The following LRMDA variants were observed in gnomAD, a reference collection of about 807,000 sequenced individuals.
LRMDA encodes leucine rich melanocyte differentiation associated, also known as leucine-rich melanocyte differentiation-associated protein.
Under a neutral mutation model 29.8 loss-of-function variants are expected in LRMDA, and 18 were observed. That is an observed-to-expected ratio of 0.60 (90% CI 0.42 to 0.90). The LOEUF (loss-of-function observed/expected upper bound fraction) is 0.90, where lower values mean the gene tolerates loss of function less well. Ranked by LOEUF, LRMDA falls within the 40% of genes least tolerant of loss-of-function variation. LRMDA has a pLI of 0.00. For missense variants in LRMDA, 273 were observed against 273.9 expected (o/e 1.00, Z 0.02); for synonymous variants, 125 against 109.4 (o/e 1.14, Z -0.89).
chr10:76,049,833 A>G (rs147206695), intron 4 of LRMDA, among the ~76,000 whole-genome samples: 178 of 152,266 alleles, frequency 1.2e-3, no homozygotes, highest in African/African-American at 4.2e-3. Context: ...TGTTTCCCAG[A>G]GCCTAATAGT....
At chr10:76,388,486 A>G (rs1480119666) in intron 6 of LRMDA, among the ~76,000 whole-genome samples, 1 of 152,202 alleles carries the variant, frequency 6.6e-6, no homozygotes, top group East Asian at 1.9e-4. Context: ...GAGGATTTCT[A>G]ACTGAAATGC....
intron 6 of LRMDA, among the ~76,000 whole-genome samples, chr10:76,455,652 T>C (rs1031180351): frequency 1.3e-5 from 2 of 152,146 alleles, no homozygotes; most frequent in Non-Finnish European, 2.9e-5. Flanking sequence ...TTATCACTTC[T>C]CTGGGAGACA....
At chr10:75,655,133 T>G (rs979235785) in intron 2 of LRMDA, among the ~76,000 whole-genome samples, 3 of 152,228 alleles carry the variant, frequency 2.0e-5, no homozygotes, top group African/African-American at 7.2e-5. Flanking sequence ...ACCTCGACAT[T>G]TTAACGGGTA....
At chr10:76,166,299 C>T (rs1036041030) in intron 5 of LRMDA, among the ~76,000 whole-genome samples, 1 of 152,138 alleles carries the variant, frequency 6.6e-6, no homozygotes, top group Non-Finnish European at 1.5e-5. Flanking sequence ...GTACTTGTTC[C>T]AACCTTCTTT....
intron 2 of LRMDA, among the ~76,000 whole-genome samples, chr10:75,694,645 T>G (rs1842211295): frequency 2.0e-5 from 3 of 152,134 alleles, no homozygotes. Context: ...CACAGGGACA[T>G]TTTATTCACT....
chr10:76,285,690 C>T (rs982539370), intron 5 of LRMDA, among the ~76,000 whole-genome samples: 1 of 152,066 alleles, frequency 6.6e-6, no homozygotes, highest in African/African-American at 2.4e-5. Flanking sequence ...GCCAATGAAG[C>T]TCTTTATGAG....
chr10:75,603,407 CTAG>C (rs958083054), intron 2 of LRMDA, among the ~76,000 whole-genome samples: 2 of 152,088 alleles, frequency 1.3e-5, no homozygotes, highest in Admixed American at 6.6e-5. Context: ...TTGCAGCTTT[CTAG>C]TAGAAGTCTG....
chr10:75,465,003 C>T (rs79055295), intron 2 of LRMDA, among the ~76,000 whole-genome samples: 1 of 152,310 alleles, frequency 6.6e-6, no homozygotes, highest in East Asian at 1.9e-4. Context: ...ACTTTTCGCT[C>T]CTTCCCTGGG....
chr10:75,726,199 C>G (rs1842629163), intron 2 of LRMDA, among the ~76,000 whole-genome samples: 2 of 152,152 alleles, frequency 1.3e-5, no homozygotes, highest in African/African-American at 4.8e-5. Context: ...ACACATTAAG[C>G]ATGGAATGCC....
intron 2 of LRMDA, among the ~76,000 whole-genome samples, chr10:75,644,874 A>C (rs1358090551): frequency 6.6e-6 from 1 of 152,144 alleles, no homozygotes; most frequent in Non-Finnish European, 1.5e-5. Flanking sequence ...CTCTGTCCTA[A>C]TTGAAAAAAT....
chr10:76,226,733 G>T (rs886681373), intron 5 of LRMDA, among the ~76,000 whole-genome samples: 2 of 152,106 alleles, frequency 1.3e-5, no homozygotes, highest in African/African-American at 4.8e-5. Context: ...GATTTGGGTG[G>T]TGACACAGAG....
At chr10:76,042,492 A>T (rs2132036121) in intron 3 of LRMDA, among the ~76,000 whole-genome samples, 1 of 152,318 alleles carries the variant, frequency 6.6e-6, no homozygotes, top group Non-Finnish European at 1.5e-5. Flanking sequence ...GGGGAGTGTG[A>T]AACCTCTGTA....
chr10:75,651,358 T>C (rs1841597485), intron 2 of LRMDA, among the ~76,000 whole-genome samples: 1 of 152,166 alleles, frequency 6.6e-6, no homozygotes, highest in Non-Finnish European at 1.5e-5. Flanking sequence ...TTTGAGGGTA[T>C]CGCTCAGCCC....
chr10:76,539,515 C>T (rs992917260), intron 6 of LRMDA, among the ~76,000 whole-genome samples: 3 of 152,148 alleles, frequency 2.0e-5, no homozygotes, highest in Non-Finnish European at 2.9e-5. Flanking sequence ...TTGAGGTGAT[C>T]TTTCTTATGA....
At chr10:75,801,256 C>T (rs1843739599) in intron 2 of LRMDA, among the ~76,000 whole-genome samples, 1 of 152,174 alleles carries the variant, frequency 6.6e-6, no homozygotes, top group South Asian at 2.1e-4. Flanking sequence ...CAGATTTCCT[C>T]CCTCTGTCAC....
chr10:75,592,511 G>T (rs1363036302), intron 2 of LRMDA, among the ~76,000 whole-genome samples: 2 of 152,208 alleles, frequency 1.3e-5, no homozygotes, highest in Non-Finnish European at 2.9e-5. Flanking sequence ...CGTGGCATCG[G>T]GACGGCGGAG....
At chr10:75,531,446 A>G (rs950341012) in intron 2 of LRMDA, among the ~76,000 whole-genome samples, 4 of 152,066 alleles carry the variant, frequency 2.6e-5, no homozygotes, top group African/African-American at 4.8e-5. Flanking sequence ...GTCTGAGCAA[A>G]CCTGAGGGTC....
At chr10:76,446,718 T>G (rs1175793192) in intron 6 of LRMDA, among the ~76,000 whole-genome samples, 1 of 152,138 alleles carries the variant, frequency 6.6e-6, no homozygotes, top group African/African-American at 2.4e-5. Flanking sequence ...AGATCCAGGT[T>G]TTCATCTCAA....
At chr10:75,957,044 T>C (rs1461161290) in intron 2 of LRMDA, among the ~76,000 whole-genome samples, 1 of 152,236 alleles carries the variant, frequency 6.6e-6, no homozygotes. Flanking sequence ...TTTTTAATGG[T>C]CACAGTGTTT....
Sources: allele counts gnomAD v4.1 joint callset (sites outside exome capture counted in the v4.1 genomes callset), GRCh38; gene constraint gnomAD v4.1.1; transcripts MANE v1.5; gene names NCBI Gene and HGNC (gene_info 2026-07-23, HGNC 2026-07-21).